ZNF704: variants seen among roughly 807,000 people sequenced by gnomAD.
The protein encoded by ZNF704 is glucocorticoid induced gene 1.
In ZNF704, 10 loss-of-function variants were observed where a neutral mutation model predicts 44.7. The ratio of observed to expected loss-of-function variants is 0.22; its 90% CI spans 0.14 to 0.38. The LOEUF is 0.38. Among genes scored for constraint, ZNF704 ranks in the 10% least tolerant of loss-of-function variants. The probability of loss-of-function intolerance (pLI) is 1.00; values close to 1 mark genes in which losing one functional copy is unlikely to be tolerated. For missense variants in ZNF704, 390 were observed against 545.5 expected (o/e 0.71, Z 2.84); for synonymous variants, 211 against 207.6 (o/e 1.02, Z -0.14).
chr8:80,809,152 G>A (rs1245840720), intron 2 of ZNF704, among the ~76,000 whole-genome samples: 4 of 152,124 alleles, frequency 2.6e-5, no homozygotes, highest in East Asian at 1.9e-4. Context: ...TTAGCCAGGC[G>A]TGGTGGCATA....
At chr8:80,781,822 C>G (rs1409931521) in intron 2 of ZNF704, among the ~76,000 whole-genome samples, 1 of 152,154 alleles carries the variant, frequency 6.6e-6, no homozygotes, top group Non-Finnish European at 1.5e-5. Context: ...TTGGCAAACA[C>G]AGCTTATCGA....
intron 2 of ZNF704, among the ~76,000 whole-genome samples, chr8:80,716,070 ACT>A (rs1171336365): frequency 2.0e-5 from 3 of 149,518 alleles, no homozygotes; most frequent in Non-Finnish European, 3.0e-5. Context: ...ACAAAGTGAG[ACT>A]CTGTCTCGAA....
chr8:80,856,019 G>A (rs774795674), intron 1 of ZNF704, among the ~76,000 whole-genome samples: 1 of 152,142 alleles, frequency 6.6e-6, no homozygotes, highest in African/African-American at 2.4e-5. Flanking sequence ...GTGCAGTTGC[G>A]TGATCATAGC....
intron 3 of ZNF704, among the ~76,000 whole-genome samples, chr8:80,692,445 G>T (rs1157303137): frequency 6.6e-6 from 1 of 152,178 alleles, no homozygotes; most frequent in Non-Finnish European, 1.5e-5. Flanking sequence ...GGCTATGATT[G>T]ATGGTCTTTC....
Position 80,829,073 on chromosome 8 carries a change from T to C in ZNF704, c.-21-7458A>G, listed in dbSNP as rs529881575. On this transcript the variant is annotated intron_variant, in intron 1 of 8. Coordinates refer to ENST00000327835, the MANE Select transcript of ZNF704 (RefSeq NM_001033723.3). ...ACTCATTAAAAACTCACAATATTTC[T>C]TAGACTGTATTAATGAAATCAAATA... Among the ~76,000 whole-genome samples the C allele has an allele frequency of 6.6e-5, 10 of 152,334 alleles. No homozygotes were observed. The South Asian group carries it at 2.1e-3, about 32-fold the overall frequency.
chr8:80,708,141 G>A (rs1334159760), intron 2 of ZNF704, among the ~76,000 whole-genome samples: 3 of 152,166 alleles, frequency 2.0e-5, no homozygotes, highest in Non-Finnish European at 4.4e-5. Context: ...CCTAGAAAAC[G>A]GTAATTCTGT....
At chr8:80,793,563 G>A (rs1467783619) in intron 2 of ZNF704, among the ~76,000 whole-genome samples, 1 of 151,958 alleles carries the variant, frequency 6.6e-6, no homozygotes, top group African/African-American at 2.4e-5. Context: ...TTTATGTAAA[G>A]CATAATATAA....
chr8:80,681,737 C>A (rs955422861), intron 4 of ZNF704, among the ~76,000 whole-genome samples: 7 of 152,184 alleles, frequency 4.6e-5, no homozygotes, highest in Non-Finnish European at 8.8e-5. Context: ...TCAATGAATT[C>A]TAAAAGTGCA....
intron 2 of ZNF704, among the ~76,000 whole-genome samples, chr8:80,815,446 C>T (rs142893515): frequency 1.2e-3 from 189 of 152,324 alleles, no homozygotes; most frequent in African/African-American, 4.3e-3. Context: ...ACCTTCAAAA[C>T]CATGATGTCT....
intron 1 of ZNF704, among the ~76,000 whole-genome samples, chr8:80,845,961 T>A (rs546023273): frequency 3.3e-5 from 5 of 152,320 alleles, no homozygotes; most frequent in Admixed American, 1.3e-4. Flanking sequence ...TATTAATTCC[T>A]AGTAATATTA....
At chr8:80,789,144 C>T (rs773966354) in intron 2 of ZNF704, among the ~76,000 whole-genome samples, 51 of 152,086 alleles carry the variant, frequency 3.4e-4, no homozygotes, top group African/African-American at 1.1e-3. Flanking sequence ...ACTCCAAAAA[C>T]ACTTATTAGG....
chr8:80,837,146 C>G (rs989921513), intron 1 of ZNF704, among the ~76,000 whole-genome samples: 1 of 152,050 alleles, frequency 6.6e-6, no homozygotes, highest in Admixed American at 6.6e-5. Context: ...ATCACAGAAT[C>G]CCTCAGGCTA....
At chr8:80,760,857 T>C (rs1388355467) in intron 2 of ZNF704, among the ~76,000 whole-genome samples, 1 of 152,012 alleles carries the variant, frequency 6.6e-6, no homozygotes, top group Non-Finnish European at 1.5e-5. Flanking sequence ...GCATGTCACA[T>C]GGCCACAGCA....
At position 80,693,082 on chromosome 8, in the gene ZNF704, C is replaced by T; in HGVS notation, c.247G>A (p.Asp83Asn). The T allele has an allele frequency of 6.2e-7, 1 of 1,614,196 alleles. No homozygotes were observed. Among genetic ancestry groups the T allele is most frequent in the Non-Finnish European group, 8.5e-7 (1 of 1,180,030 alleles). Reference protein sequence around the residue: ...ARKSSEELDMDKVTAAMVLTS... With the variant: ...ARKSSEELDMNKVTAAMVLTS... Reference sequence around the variant, plus strand: ...AGTACCATTGCTGCTGTCACCTTGTCCATGTCTAGTTCCTCTGAAGATTTC... The same window carrying T: ...AGTACCATTGCTGCTGTCACCTTGTTCATGTCTAGTTCCTCTGAAGATTTC... Residue 83 changes from aspartate to asparagine, a missense_variant, in exon 3 of 9, where the codon GAC (aspartate) becomes AAC (asparagine). This residue lies in a region of ZNF704 where 5 missense variants were observed against 26.1 expected (regional missense o/e 0.19). Coordinates refer to ENST00000327835, the MANE Select transcript of ZNF704 (RefSeq NM_001033723.3).
intron 4 of ZNF704, among the ~76,000 whole-genome samples, chr8:80,679,136 AG>A (rs1172303628): frequency 3.3e-5 from 5 of 152,154 alleles, no homozygotes; most frequent in African/African-American, 9.7e-5. Flanking sequence ...TGGCCTTCCA[AG>A]GTTGTTAGCC....
At chr8:80,701,103 C>T (rs1429747056) in intron 2 of ZNF704, among the ~76,000 whole-genome samples, 3 of 152,102 alleles carry the variant, frequency 2.0e-5, no homozygotes, top group Non-Finnish European at 4.4e-5. Flanking sequence ...CCTTGCTAGC[C>T]TTCTGCTCCA....
chr8:80,820,581 G>A (rs769127572), intron 2 of ZNF704, among the ~76,000 whole-genome samples: 6 of 150,858 alleles, frequency 4.0e-5, no homozygotes, highest in Non-Finnish European at 8.8e-5. Flanking sequence ...GCTCTGTGTC[G>A]CCTATTCTTC....
chr8:80,855,428 C>G (rs1563578144), intron 1 of ZNF704, among the ~76,000 whole-genome samples: 1 of 151,624 alleles, frequency 6.6e-6, no homozygotes, highest in Non-Finnish European at 1.5e-5. Context: ...TACATATACA[C>G]AGTGGAATAC....
intron 2 of ZNF704, among the ~76,000 whole-genome samples, chr8:80,778,042 A>G (rs1807445432): frequency 6.6e-6 from 1 of 152,312 alleles, no homozygotes; most frequent in South Asian, 2.1e-4. Flanking sequence ...TTGAAATTCA[A>G]TATTCCCATA....
Sources: allele counts gnomAD v4.1 joint callset (sites outside exome capture counted in the v4.1 genomes callset), GRCh38; gene constraint gnomAD v4.1.1; regional missense constraint gnomAD v4.1.1; transcripts MANE v1.5; gene names NCBI Gene and HGNC (gene_info 2026-07-23, HGNC 2026-07-21).